The following EYS variants were observed in gnomAD, a reference collection of about 807,000 sequenced individuals.
The protein encoded by EYS is EGF-like photoreceptor maintenance factor, also known as protein eyes shut homolog.
In EYS, 250 loss-of-function variants were observed where a neutral mutation model predicts 282.1. The ratio of observed to expected loss-of-function variants is 0.89; its 90% CI spans 0.80 to 0.98. The LOEUF is 0.98. Among genes scored for constraint, EYS ranks in the 50% least tolerant of loss-of-function variants. The pLI is 0.00. For missense variants in EYS, 4,016 were observed against 3,709.0 expected, an observed-to-expected ratio of 1.08 and a Z score of -2.15; for synonymous variants, 1,355 against 1,282.9, an observed-to-expected ratio of 1.06 and a Z score of -1.20.
At chr6:64,937,726 G>T (rs1181096568) in intron 15 of EYS, among the ~76,000 whole-genome samples, 3 of 151,580 alleles carry the variant, frequency 2.0e-5, no homozygotes, top group Admixed American at 2.0e-4. Context: ...GAGTTTGGAA[G>T]TTCCTCTAAA....
intron 22 of EYS, among the ~76,000 whole-genome samples, chr6:64,720,823 T>G (rs1771553467): frequency 6.6e-6 from 1 of 152,232 alleles, no homozygotes; most frequent in Non-Finnish European, 1.5e-5. Flanking sequence ...ACCTATCTAT[T>G]TAGACATTTA....
At chr6:64,621,118 C>A (rs1273046655) in intron 23 of EYS, among the ~76,000 whole-genome samples, 2 of 151,932 alleles carry the variant, frequency 1.3e-5, no homozygotes, top group African/African-American at 2.4e-5. Flanking sequence ...CTCAAGGGAG[C>A]CAACCCACCC....
intron 31 of EYS, among the ~76,000 whole-genome samples, chr6:64,184,262 G>C (rs1764867705): frequency 6.6e-6 from 1 of 152,130 alleles, no homozygotes; most frequent in Non-Finnish European, 1.5e-5. Flanking sequence ...AAAGTGCCTT[G>C]TATGTTATGG....
At chr6:65,087,684 A>G (rs1774423484) in intron 12 of EYS, among the ~76,000 whole-genome samples, 1 of 152,188 alleles carries the variant, frequency 6.6e-6, no homozygotes, top group African/African-American at 2.4e-5. Flanking sequence ...CATGTCTATT[A>G]AGTGAGTACT....
intron 22 of EYS, among the ~76,000 whole-genome samples, chr6:64,636,729 A>C (rs1266957657): frequency 6.6e-6 from 1 of 151,966 alleles, no homozygotes; most frequent in African/African-American, 2.4e-5. Context: ...CAATGAACTC[A>C]AACAAATTGA....
intron 28 of EYS, among the ~76,000 whole-genome samples, chr6:64,394,300 C>A (rs1280619976): frequency 1.3e-5 from 2 of 152,024 alleles, no homozygotes; most frequent in African/African-American, 2.4e-5. Flanking sequence ...TCATATGGAA[C>A]CAAAAAAGAG....
rs181400578 is a variant in EYS at position 64,490,883 on chromosome 6, G to C, written c.5645-51531C>G. Among the ~76,000 whole-genome samples, 120 of 150,668 alleles carry C rather than the reference G, an allele frequency of 8.0e-4. 2 individuals carry two copies. In the East Asian group the frequency reaches 0.022, roughly 27 times the overall value. On this transcript the variant is annotated intron_variant, in intron 26 of 42. Transcript: ENST00000503581. ...ACTATGCATAAAACCACACTTTTTT[G>C]TTTTAATCATGCATATTATGTGGTA...
intron 15 of EYS, among the ~76,000 whole-genome samples, chr6:64,932,271 A>G (rs1454318324): frequency 6.6e-6 from 1 of 152,016 alleles, no homozygotes; most frequent in Non-Finnish European, 1.5e-5. Flanking sequence ...CATTTGACTC[A>G]AAAGACCCTT....
chr6:65,213,568 G>C (rs901694921), intron 12 of EYS, among the ~76,000 whole-genome samples: 22 of 152,026 alleles, frequency 1.4e-4, no homozygotes, highest in South Asian at 4.1e-4. Flanking sequence ...CTGTTATGAT[G>C]CTCTGTGTTC....
At chr6:64,156,975 T>G (rs1215439085) in intron 31 of EYS, among the ~76,000 whole-genome samples, 1 of 151,966 alleles carries the variant, frequency 6.6e-6, no homozygotes, top group Non-Finnish European at 1.5e-5. Flanking sequence ...ACATGTGCTA[T>G]GCTGGTGCGC....
chr6:65,035,781 G>T (rs1017759477), intron 13 of EYS, among the ~76,000 whole-genome samples: 3 of 151,476 alleles, frequency 2.0e-5, no homozygotes, highest in African/African-American at 7.3e-5. Context: ...CCAATGCTCT[G>T]TCAAACTAGC....
At position 63,789,183 on chromosome 6, in the gene EYS, C is replaced by T. The variant is rs1424727950; in HGVS notation, c.7453G>A (p.Gly2485Ser). The part of the protein sequence containing the change: ...DDFLAVGLLN[G>S]SVVYSYNLGS... ...AGGTTATAACTATAAACCACACTGCCATTGAGCAGGCCCACAGCCAGGAAG... is the reference window on the plus strand; with the variant it reads ...AGGTTATAACTATAAACCACACTGCTATTGAGCAGGCCCACAGCCAGGAAG... Residue 2485 changes from glycine (G) to serine (S), a missense_variant, in exon 38 of 43, where the codon GGC becomes AGC. Gly to Ser is a moderately conservative substitution (Grantham distance 56). Transcript: ENST00000503581. 1 of 1,551,880 alleles carries T rather than the reference C, an allele frequency of 6.4e-7. No individual in the cohort carries two copies. Among genetic ancestry groups the T allele is most frequent in the Non-Finnish European group, 8.7e-7 (1 of 1,146,964 alleles).
At chr6:64,385,578 T>C (rs965043116) in intron 29 of EYS, among the ~76,000 whole-genome samples, 1 of 152,182 alleles carries the variant, frequency 6.6e-6, no homozygotes, top group Non-Finnish European at 1.5e-5. Flanking sequence ...GATAATCCTT[T>C]AGTAAAGGCC....
intron 26 of EYS, among the ~76,000 whole-genome samples, chr6:64,568,832 G>A (rs1240286965): frequency 6.6e-6 from 1 of 152,016 alleles, no homozygotes; most frequent in Non-Finnish European, 1.5e-5. Flanking sequence ...TGATACCTAG[G>A]CGAAGAGGGT....
chr6:64,434,637 G>A (rs948444429), intron 28 of EYS, among the ~76,000 whole-genome samples: 3 of 151,936 alleles, frequency 2.0e-5, no homozygotes, highest in Non-Finnish European at 4.4e-5. Context: ...AGATTTTGGA[G>A]TGAAAGCAGC....
chr6:65,433,061 T>C lies in EYS; in HGVS notation c.863-27694A>G, dbSNP rs1357356158. 2.0e-5 allele frequency among the ~76,000 whole-genome samples: 3 copies of C among 152,160 alleles called. No homozygotes were observed. The East Asian group carries it at 5.8e-4, about 29-fold the overall frequency. ...GTGTTGAATTTAAGATACATCAATA[T>C]ATAATAGGTACCATTAAGGAAACAC... On this transcript the variant is annotated intron_variant, in intron 5 of 42. Transcript: ENST00000503581.
intron 1 of EYS, among the ~76,000 whole-genome samples, chr6:65,655,042 T>C (rs1030630708): frequency 1.3e-5 from 2 of 150,474 alleles, no homozygotes; most frequent in Non-Finnish European, 1.5e-5. Context: ...AATATCTTCA[T>C]GAGAATTACT....
At chr6:65,540,462 A>G (rs1768122657) in intron 2 of EYS, among the ~76,000 whole-genome samples, 1 of 152,222 alleles carries the variant, frequency 6.6e-6, no homozygotes. Flanking sequence ...CAAGAATTAT[A>G]AAGTCTATTG....
chr6:65,555,255 A>C (rs1768752809), intron 2 of EYS, among the ~76,000 whole-genome samples: 2 of 152,160 alleles, frequency 1.3e-5, no homozygotes, highest in Admixed American at 6.5e-5. Flanking sequence ...TTTGTGAAAT[A>C]AACTGAATTT....
Sources: gnomAD v4.1 joint callset for allele counts (sites outside exome capture counted in the v4.1 genomes callset) on GRCh38, gnomAD v4.1.1 for gene constraint, MANE v1.5 for transcripts, NCBI Gene and HGNC (gene_info 2026-07-23, HGNC 2026-07-21) for gene names.